Variants in VPS53 observed in about 807,000 individuals in gnomAD.
VPS53 encodes the protein vacuolar protein sorting-associated protein 53 homolog.
VPS53 carries 70 observed loss-of-function variants against 107.0 expected under a neutral mutation model. That is an observed-to-expected ratio of 0.65 (90% CI 0.54 to 0.80). The LOEUF is 0.80. VPS53 is among the 30% of genes least tolerant of loss of function. VPS53 has a pLI of 0.00. For synonymous variants in VPS53, 409 were observed against 393.3 expected (o/e 1.04, Z -0.47); for missense variants, 917 against 1,049.4 (o/e 0.87, Z 1.74).
At chr17:593,330 G>A (rs996096197) in intron 12 of VPS53, among the ~76,000 whole-genome samples, 237 of 152,278 alleles carry the variant, frequency 1.6e-3, no homozygotes, top group Non-Finnish European at 2.1e-3. Flanking sequence ...AAACTAAAGA[G>A]CTTCTGCACA....
At chr17:647,459 A>C (rs1970755972) in intron 7 of VPS53, among the ~76,000 whole-genome samples, 1 of 152,256 alleles carries the variant, frequency 6.6e-6, no homozygotes, top group Non-Finnish European at 1.5e-5. Flanking sequence ...AATGAAGAAA[A>C]GAACAAATGA....
chr17:580,875 C>T (rs1395691549), intron 13 of VPS53, among the ~76,000 whole-genome samples: 2 of 151,186 alleles, frequency 1.3e-5, no homozygotes, highest in African/African-American at 4.9e-5. Flanking sequence ...CCCTCAGAAC[C>T]TCAACGCATT....
In VPS53 at chr17:537,096, G is replaced by A. The variant is rs182148072; in HGVS notation, c.1947C>T (p.Val649=). The A allele has an allele frequency of 2.5e-6, 4 of 1,614,206 alleles. No individual in the cohort carries two copies. The highest frequency in any genetic ancestry group is 3.3e-5 in the Admixed American group (2 of 60,026). The change falls in exon 18 of 22, where the codon GTC becomes GTT. Residue 649 remains valine (V), a synonymous_variant. Coordinates refer to ENST00000437048, the MANE Select transcript of VPS53 (RefSeq NM_001128159.3). Reference sequence around the variant, plus strand: ...AAGCCAGGTTGTCACGGATGATGGGGACGTTCTGCTTGATGTGCAGAATGA... The same window carrying A: ...AAGCCAGGTTGTCACGGATGATGGGAACGTTCTGCTTGATGTGCAGAATGA... The part of the protein sequence containing the change: ...TSVILHIKQN[V]PIIRDNLAST...
At chr17:675,632 G>C (rs1446462048) in intron 4 of VPS53, 1 of 151,926 alleles carries the variant, frequency 6.6e-6, no homozygotes, top group Non-Finnish European at 1.5e-5. Flanking sequence ...AAATTAGCCG[G>C]GTGTGGTGGC....
chr17:586,783 C>T (rs1231625299), intron 12 of VPS53, among the ~76,000 whole-genome samples: 1 of 152,140 alleles, frequency 6.6e-6, no homozygotes, highest in African/African-American at 2.4e-5. Flanking sequence ...TCACAATAAT[C>T]CTTCATGTAG....
chr17:573,853 T>C (rs1914389935), intron 13 of VPS53, among the ~76,000 whole-genome samples: 1 of 152,160 alleles, frequency 6.6e-6, no homozygotes, highest in Admixed American at 6.5e-5. Context: ...CTTTCTGAGT[T>C]AGAGCTACAG....
At position 519,917 on chromosome 17, in the gene VPS53, G is replaced by C. The variant is rs1395975402; in HGVS notation, c.2237C>G (p.Pro746Arg). Residue 746 changes from proline (P) to arginine (R), a missense_variant, in exon 21 of 22, where the codon CCT becomes CGT. Coordinates refer to ENST00000437048, the MANE Select transcript of VPS53 (RefSeq NM_001128159.3). The surrounding 1 kb of genome is among the most constrained non-coding windows in gnomAD (Gnocchi z 5.0). ...AEMILKVVMA[P>R]HEPLVVFVDN... ...AACAAACACCACCAACGGTTCATGA[G>C]GGGCCATCACTACCTACAGCGGGAG... The C allele has an allele frequency of 6.4e-7, 1 of 1,551,564 alleles. No homozygotes were observed. Among genetic ancestry groups the C allele is most frequent in the Admixed American group, 2.0e-5 (1 of 50,990 alleles).
rs1264770454 is a variant in VPS53 at position 646,385 on chromosome 17, C to T, written c.608+6906G>A. Among the ~76,000 whole-genome samples the T allele has an allele frequency of 4.6e-5, 6 of 129,676 alleles. No individual in the cohort carries two copies. In the South Asian group the frequency reaches 7.9e-4, roughly 17 times the overall value. 85.1% of individuals were successfully genotyped at this position (129,676 alleles called of 152,430 possible). ...CGGCTCCCACACACATCTCCGTGAC[C>T]GTGTGGCCACTGCCTCCTAAGGGTC... On this transcript the variant is annotated intron_variant, in intron 7 of 21. Transcript: ENST00000437048.
intron 13 of VPS53, among the ~76,000 whole-genome samples, chr17:569,963 A>G (rs546801744): frequency 2.0e-5 from 3 of 152,188 alleles, no homozygotes; most frequent in African/African-American, 4.8e-5. Flanking sequence ...AAATTACATG[A>G]TAAGTGAAAG....
chr17:651,499 G>A lies in VPS53; in HGVS notation c.608+1792C>T, dbSNP rs576366762. Among the ~76,000 whole-genome samples the A allele has an allele frequency of 5.9e-5, 9 of 152,270 alleles. No individual in the cohort carries two copies. In the South Asian group the frequency reaches 1.9e-3, roughly 32 times the overall value. On this transcript the variant is annotated intron_variant, in intron 7 of 21. Transcript: ENST00000437048. ...CCAGCTGCTTGGGAAACTGTGGTGG[G>A]AGGATCACTTGAGCCCAGGAGTTCC...
intron 5 of VPS53, among the ~76,000 whole-genome samples, chr17:656,587 T>C (rs1322821573): frequency 6.6e-6 from 1 of 152,168 alleles, no homozygotes. Flanking sequence ...AATGCAAGTA[T>C]ATTTCAGTCA....
chr17:619,877 C>T (rs1362887534), intron 11 of VPS53, among the ~76,000 whole-genome samples: 3 of 134,778 alleles, frequency 2.2e-5, no homozygotes, highest in South Asian at 2.4e-4. Context: ...TGCACCACCA[C>T]GCCCCGCTAA....
At chr17:577,352 T>C (rs1468672576) in intron 13 of VPS53, among the ~76,000 whole-genome samples, 1 of 150,100 alleles carries the variant, frequency 6.7e-6, no homozygotes, top group South Asian at 2.1e-4. Flanking sequence ...AGAACCTCCC[T>C]CAGGACCTCA....
chr17:699,260 TC>T, intron 3 of VPS53, 70 bp downstream of exon 3: 2 of 1,286,522 alleles, frequency 1.6e-6, no homozygotes, highest in South Asian at 2.0e-5. Context: ...AAAAATGTGA[TC>T]CAGAATGTGA....
rs1555547754 is a variant in VPS53, at chr17:532,858, A to G, written c.2069T>C (p.Met690Thr). Reference sequence around the variant, plus strand: ...CCATCTCACCTGTTCTGCTCCCACCATGCTAATTGGCTTGCACTTGAAGAG... The same window carrying G: ...CCATCTCACCTGTTCTGCTCCCACCGTGCTAATTGGCTTGCACTTGAAGAG... ...THLFKCKPIS[M>T]VGAEQLLLDT... The change falls in exon 19 of 22, where the codon ATG becomes ACG. Residue 690 changes from methionine to threonine, a missense_variant. By Grantham distance (81) the Met-to-Thr change is moderately conservative. Coordinates refer to ENST00000437048, the MANE Select transcript of VPS53 (RefSeq NM_001128159.3). 1.9e-6 allele frequency: 3 copies of G among 1,614,002 alleles called. No homozygotes were observed. Among genetic ancestry groups the G allele is most frequent in the Non-Finnish European group, 2.5e-6 (3 of 1,180,016 alleles).
chr17:581,935 A>G (rs1255117967), intron 13 of VPS53, among the ~76,000 whole-genome samples: 2 of 147,174 alleles, frequency 1.4e-5, no homozygotes, highest in South Asian at 2.2e-4. Flanking sequence ...GAGGACCTCA[A>G]TGTGTTCCCA....
chr17:587,555 C>A (rs1024186970), intron 12 of VPS53, among the ~76,000 whole-genome samples: 4 of 152,132 alleles, frequency 2.6e-5, no homozygotes, highest in African/African-American at 9.7e-5. Context: ...CGCTGGTTCC[C>A]AGGCTGTTAC....
At chr17:615,284 T>C (rs556814386) in intron 11 of VPS53, among the ~76,000 whole-genome samples, 1 of 152,372 alleles carries the variant, frequency 6.6e-6, no homozygotes, top group South Asian at 2.1e-4. Context: ...CCTGAGGCTC[T>C]TTCAGTCTAA....
At chr17:700,532 CAA>C (rs1420513552) in intron 2 of VPS53, among the ~76,000 whole-genome samples, 1 of 151,984 alleles carries the variant, frequency 6.6e-6, no homozygotes, top group Admixed American at 6.6e-5. Flanking sequence ...GCCTGGGCAA[CAA>C]GAGCAAAACT....
Sources: allele counts gnomAD v4.1 joint callset (sites outside exome capture counted in the v4.1 genomes callset), GRCh38; gene constraint gnomAD v4.1.1; non-coding constraint Gnocchi (gnomAD v3.1); transcripts MANE v1.5; gene names NCBI Gene and HGNC (gene_info 2026-07-23, HGNC 2026-07-21).